MUSK: variants seen among roughly 807,000 people sequenced by gnomAD.
MUSK encodes muscle associated receptor tyrosine kinase.
MUSK carries 55 observed loss-of-function variants against 88.7 expected under a neutral mutation model. That is an observed-to-expected ratio of 0.62 (90% CI 0.50 to 0.78). The LOEUF (loss-of-function observed/expected upper bound fraction) is 0.78, where lower values mean the gene tolerates loss of function less well. Among genes scored for constraint, MUSK ranks in the 30% least tolerant of loss-of-function variants. MUSK has a pLI of 0.00. For missense variants in MUSK, 1,015 were observed against 1,074.3 expected (o/e 0.94, Z 0.77); for synonymous variants, 387 against 391.9 (o/e 0.99, Z 0.15).
chr9:110,720,959 T>A (rs943958082), intron 5 of MUSK, among the ~76,000 whole-genome samples: 1 of 152,120 alleles, frequency 6.6e-6, no homozygotes, highest in African/African-American at 2.4e-5. Flanking sequence ...ATAAATGTGA[T>A]ACACCACATA....
chr9:110,766,881 A>G (rs2077493176), intron 8 of MUSK, among the ~76,000 whole-genome samples: 1 of 152,264 alleles, frequency 6.6e-6, no homozygotes, highest in Admixed American at 6.5e-5. Context: ...CATAATAAGT[A>G]TTCAATATAT....
At position 110,758,042 on chromosome 9, in the gene MUSK, T is replaced by C. The variant is rs571073483; in HGVS notation, c.914-4160T>C. ...TGCAGTGGTGTGTGATCTCGGCTCATTGCAGCCTCTGCCTGAGCTCAAGAG... is the reference window on the plus strand; with the variant it reads ...TGCAGTGGTGTGTGATCTCGGCTCACTGCAGCCTCTGCCTGAGCTCAAGAG... On this transcript the variant is annotated intron_variant, in intron 7 of 14. Coordinates refer to ENST00000374448, the MANE Select transcript of MUSK (RefSeq NM_005592.4). 4.6e-5 allele frequency among the ~76,000 whole-genome samples: 7 copies of C among 151,904 alleles called. No homozygotes were observed. The South Asian group carries it at 1.3e-3, about 27-fold the overall frequency.
At chr9:110,696,243 A>G (rs1035244704) in intron 4 of MUSK, among the ~76,000 whole-genome samples, 4 of 151,478 alleles carry the variant, frequency 2.6e-5, no homozygotes, top group Admixed American at 2.6e-4. Context: ...TCACCACTGC[A>G]CTCCAGCCTG....
intron 1 of MUSK, among the ~76,000 whole-genome samples, chr9:110,669,522 T>C (rs1436811873): frequency 1.3e-5 from 2 of 152,088 alleles, no homozygotes; most frequent in Non-Finnish European, 2.9e-5. Context: ...CGGAAGACAA[T>C]GGATTTTAAA....
intron 5 of MUSK, among the ~76,000 whole-genome samples, chr9:110,726,532 TAAGAG>T (rs2076886624): frequency 6.6e-6 from 1 of 152,010 alleles, no homozygotes. Context: ...AAGAACACTC[TAAGAG>T]AAGAAAATGA....
chr9:110,690,211 T>C (rs1406555029), intron 3 of MUSK, among the ~76,000 whole-genome samples: 52 of 71,150 alleles, frequency 7.3e-4, no homozygotes, highest in Non-Finnish European at 1.1e-3. Context: ...TATATAAATA[T>C]ATATTTAAGT....
intron 9 of MUSK, among the ~76,000 whole-genome samples, chr9:110,769,038 T>C (rs1016296452): frequency 3.3e-5 from 5 of 152,198 alleles, no homozygotes; most frequent in African/African-American, 7.2e-5. Flanking sequence ...TCTCGATGTG[T>C]GTGGTCTTGG....
At chr9:110,777,000 G>T (rs2077682236) in intron 11 of MUSK, among the ~76,000 whole-genome samples, 1 of 152,064 alleles carries the variant, frequency 6.6e-6, no homozygotes, top group African/African-American at 2.4e-5. Context: ...ATCTAATTAT[G>T]TATAGATGAA....
Position 110,797,245 on chromosome 9 carries a change from G to T in MUSK, c.1928-3061G>T, listed in dbSNP as rs183666069. 2.5e-4 allele frequency among the ~76,000 whole-genome samples: 34 copies of T among 134,362 alleles called. No homozygotes were observed. The East Asian group carries it at 7.9e-3, about 31-fold the overall frequency. The allele number at this position is 134,362 out of a possible 152,430, so 88.1% of individuals were successfully genotyped here. On this transcript the variant is annotated intron_variant, in intron 14 of 14. Coordinates refer to ENST00000374448, the MANE Select transcript of MUSK (RefSeq NM_005592.4). ...TTTTAGGAATTACACTGACTTCATT[G>T]TAATGCATAGGAAAAATAAATAATT...
chr9:110,758,414 A>G (rs958842920), intron 7 of MUSK, among the ~76,000 whole-genome samples: 4 of 152,160 alleles, frequency 2.6e-5, no homozygotes, highest in Admixed American at 6.5e-5. Flanking sequence ...TTCTGCCAAA[A>G]CCTGATAAAG....
At chr9:110,737,925 A>G (rs912555526) in intron 6 of MUSK, among the ~76,000 whole-genome samples, 6 of 152,124 alleles carry the variant, frequency 3.9e-5, no homozygotes, top group African/African-American at 7.2e-5. Flanking sequence ...CTCATTCGCA[A>G]TCTCTATCTC....
At chr9:110,771,781 A>T (rs927827110) in intron 9 of MUSK, among the ~76,000 whole-genome samples, 1 of 152,220 alleles carries the variant, frequency 6.6e-6, no homozygotes, top group Admixed American at 6.5e-5. Flanking sequence ...ACAACAAAAA[A>T]GTCAGATACC....
intron 6 of MUSK, among the ~76,000 whole-genome samples, chr9:110,741,653 G>A (rs2077100344): frequency 6.6e-6 from 1 of 152,134 alleles, no homozygotes; most frequent in Non-Finnish European, 1.5e-5. Context: ...TTTCGCTGAA[G>A]TCTTTTTTCT....
At chr9:110,769,019 G>A (rs1485407141) in intron 9 of MUSK, among the ~76,000 whole-genome samples, 1 of 151,894 alleles carries the variant, frequency 6.6e-6, no homozygotes, top group Non-Finnish European at 1.5e-5. Flanking sequence ...AATACTGTTA[G>A]TTCTGCTTTC....
intron 3 of MUSK, among the ~76,000 whole-genome samples, chr9:110,690,149 T>TATATAC (rs2076309363): frequency 9.5e-6 from 1 of 105,724 alleles, no homozygotes; most frequent in Non-Finnish European, 1.7e-5. Flanking sequence ...GAAATATATA[T>TATATAC]TTAAGTATAA....
chr9:110,785,872 T>C (rs2077849274), intron 13 of MUSK, among the ~76,000 whole-genome samples, 154 bp downstream of exon 13: 1 of 148,710 alleles, frequency 6.7e-6, no homozygotes, highest in South Asian at 2.1e-4. Context: ...AGTACATATA[T>C]ATGTACACTG....
At chr9:110,689,937 A>C (rs866975866) in intron 3 of MUSK, among the ~76,000 whole-genome samples, 2 of 92,036 alleles carry the variant, frequency 2.2e-5, no homozygotes, top group African/African-American at 1.0e-4. Context: ...ATAATATATA[A>C]ATATATATTT....
chr9:110,701,702 TTA>T (rs1235459656), intron 5 of MUSK, among the ~76,000 whole-genome samples: 1 of 26 alleles, frequency 0.038, no homozygotes, highest in South Asian at 0.25. Flanking sequence ...TTATTTTATT[TTA>T]TTTTATTTTA....
chr9:110,797,071 C>G (rs1294731447), intron 14 of MUSK, among the ~76,000 whole-genome samples: 1 of 72,802 alleles, frequency 1.4e-5, no homozygotes, highest in Non-Finnish European at 2.5e-5. Context: ...ACATATGTAA[C>G]TAACCTGCAC....
Sources: allele counts gnomAD v4.1 joint callset (sites outside exome capture counted in the v4.1 genomes callset), GRCh38; gene constraint gnomAD v4.1.1; transcripts MANE v1.5; gene names NCBI Gene and HGNC (gene_info 2026-07-23, HGNC 2026-07-21).